The following INSC variants were observed in gnomAD, a reference collection of about 807,000 sequenced individuals.
INSC encodes protein inscuteable homolog.
INSC carries 67 observed loss-of-function variants against 58.6 expected under a neutral mutation model. That is an observed-to-expected ratio of 1.14 (90% CI 0.94 to 1.40). The LOEUF (loss-of-function observed/expected upper bound fraction) is 1.40. INSC is among the 40% of genes most tolerant of loss of function. INSC has a pLI of 0.00. For synonymous variants in INSC, 262 were observed against 276.1 expected (o/e 0.95, Z 0.51); for missense variants, 714 against 692.0 (o/e 1.03, Z -0.36).
rs146844456 is a variant in INSC at position 15,164,372 on chromosome 11, C to T, written c.57-11369C>T. On this transcript the variant is annotated intron_variant, in intron 2 of 12. Transcript: ENST00000379556. ...GGGTCCAAAAATATGATGACCTGCT[C>T]TCTGAGTGTTCCTATCTCTGCTTTC... 4.1e-3 allele frequency among the ~76,000 whole-genome samples: 628 copies of T among 152,240 alleles called. 1 individual carries two copies. Among genetic ancestry groups the T allele is most frequent in the Admixed American group, 8.0e-3 (122 of 15,282 alleles).
chr11:15,116,871 C>T (rs200045717), intron 1 of INSC, among the ~76,000 whole-genome samples: 36 of 50,826 alleles, frequency 7.1e-4, no homozygotes, highest in South Asian at 3.8e-3. Context: ...CTCTCTCTCT[C>T]TCTCTCCCCC....
intron 6 of INSC, among the ~76,000 whole-genome samples, chr11:15,194,338 TCC>T (rs1850292501): frequency 1.3e-5 from 2 of 152,180 alleles, no homozygotes; most frequent in Non-Finnish European, 2.9e-5. Context: ...CAACAGTGGT[TCC>T]CAGTGCCCAC....
At chr11:15,174,542 G>A (rs937863030) in intron 2 of INSC, among the ~76,000 whole-genome samples, 8 of 152,196 alleles carry the variant, frequency 5.3e-5, no homozygotes, top group African/African-American at 1.9e-4. Context: ...ACTGATATTT[G>A]TAGATGAGTG....
chr11:15,204,860 C>G (rs553372995), intron 7 of INSC, among the ~76,000 whole-genome samples: 2 of 152,224 alleles, frequency 1.3e-5, no homozygotes, highest in South Asian at 4.1e-4. Flanking sequence ...TGTTGTGCAG[C>G]TTCCCCCTCC....
intron 6 of INSC, among the ~76,000 whole-genome samples, chr11:15,195,453 G>T (rs1850339392): frequency 6.6e-6 from 1 of 152,088 alleles, no homozygotes; most frequent in Admixed American, 6.5e-5. Flanking sequence ...AAATTTCCTG[G>T]GAAGGAAACT....
chr11:15,155,787 A>T (rs1412320442), intron 2 of INSC, among the ~76,000 whole-genome samples: 1 of 152,262 alleles, frequency 6.6e-6, no homozygotes, highest in East Asian at 1.9e-4. Context: ...ATGAGCCAAG[A>T]AAAGAATAGG....
chr11:15,177,803 C>T (rs1215834792), intron 4 of INSC, among the ~76,000 whole-genome samples: 2 of 152,170 alleles, frequency 1.3e-5, no homozygotes, highest in Non-Finnish European at 2.9e-5. Flanking sequence ...AGAACACTGT[C>T]AGGCCACAGG....
the INSC span, among the ~76,000 whole-genome samples, chr11:15,263,282 C>A: frequency 1.3e-5 from 2 of 152,066 alleles, no homozygotes; most frequent in South Asian, 4.1e-4. Flanking sequence ...GAGAATCAGG[C>A]AGAGATCATA....
intron 5 of INSC, among the ~76,000 whole-genome samples, chr11:15,182,466 A>T (rs888117365): frequency 6.6e-5 from 10 of 152,150 alleles, no homozygotes; most frequent in African/African-American, 2.4e-4. Context: ...TTTACCATAT[A>T]TGGGGAAAAA....
intron 1 of INSC, among the ~76,000 whole-genome samples, chr11:15,141,772 C>G (rs1848378111): frequency 6.6e-6 from 1 of 152,036 alleles, no homozygotes; most frequent in South Asian, 2.1e-4. Context: ...GTTGTGATTA[C>G]CTCCTAGAGC....
At chr11:15,201,003 G>A in intron 7 of INSC, 54 bp downstream of exon 7, 3 of 1,546,480 alleles carry the variant, frequency 1.9e-6, no homozygotes, top group Non-Finnish European at 2.6e-6. Context: ...GTAGGGGTGA[G>A]GTCCAGGCCT....
In INSC at chr11:15,130,373, T is replaced by A. The variant is rs187760443; in HGVS notation, c.-46+15370T>A. ...CCGTAAGGTTTTTTCCTTCTTTATG[T>A]AGTGAGTTTCACTGATCTGTTTTCT... On this transcript the variant is annotated intron_variant, in intron 1 of 12. Transcript: ENST00000379556. 5.3e-4 allele frequency among the ~76,000 whole-genome samples: 80 copies of A among 152,340 alleles called. 2 individuals carry two copies. The highest frequency in any genetic ancestry group is 1.6e-3 in the Admixed American group (24 of 15,300).
chr11:15,192,792 G>T (rs1215228741), intron 6 of INSC, among the ~76,000 whole-genome samples: 1 of 152,142 alleles, frequency 6.6e-6, no homozygotes, highest in Non-Finnish European at 1.5e-5. Flanking sequence ...CATGTCCCCA[G>T]TTCTAATGCA....
At chr11:15,144,906 T>C (rs139539376) in intron 1 of INSC, among the ~76,000 whole-genome samples, 2 of 152,302 alleles carry the variant, frequency 1.3e-5, no homozygotes, top group East Asian at 1.9e-4. Flanking sequence ...TTCAAGTCTT[T>C]CTTGTAAACT....
chr11:15,235,528 C>T, intron 9 of INSC, 74 bp from the exon 10 acceptor site: 2 of 1,154,526 alleles, frequency 1.7e-6, no homozygotes, highest in South Asian at 1.2e-5. Flanking sequence ...TAGCCCCTGG[C>T]TGACCTGTCT....
chr11:15,240,569 G>A, intron 12 of INSC, 46 bp downstream of exon 12: 7 of 1,522,972 alleles, frequency 4.6e-6, no homozygotes, highest in Non-Finnish European at 6.3e-6. Context: ...CCTTCGGAAT[G>A]CAGCCAAGGG....
In INSC at chr11:15,152,498, C is replaced by T. The variant is rs79380240; in HGVS notation, c.56+3268C>T. Among the ~76,000 whole-genome samples, 1,149 of 152,290 alleles carry T rather than the reference C, an allele frequency of 7.5e-3. 12 individuals are homozygous for T. Among genetic ancestry groups the T allele is most frequent in the Non-Finnish European group, 0.014 (927 of 68,022 alleles). On this transcript the variant is annotated intron_variant, in intron 2 of 12. Coordinates refer to ENST00000379556, the MANE Select transcript of INSC (RefSeq NM_001042536.3). ...ACTTTACTGATCAGAAGTCAACTAA[C>T]CTTTAACTAGGATCTTTCCCCTTTA...
chr11:15,233,236 G>A (rs1026554103), intron 9 of INSC, among the ~76,000 whole-genome samples: 9 of 152,188 alleles, frequency 5.9e-5, no homozygotes, highest in Non-Finnish European at 1.3e-4. Flanking sequence ...CACTTAGGTG[G>A]AATAGAACTT....
chr11:15,236,990 C>T (rs893085906), intron 10 of INSC, among the ~76,000 whole-genome samples: 3 of 152,288 alleles, frequency 2.0e-5, no homozygotes, highest in South Asian at 2.1e-4. Context: ...TAGAGCCTTA[C>T]GTTGAAGTGT....
Sources: gnomAD v4.1 joint callset for allele counts (sites outside exome capture counted in the v4.1 genomes callset) on GRCh38, gnomAD v4.1.1 for gene constraint, MANE v1.5 for transcripts, NCBI Gene and HGNC (gene_info 2026-07-23, HGNC 2026-07-21) for gene names.